FCHSD2: variants seen among roughly 807,000 people sequenced by gnomAD.
FCHSD2 encodes the protein FCH and double SH3 domains 2, also known as F-BAR and double SH3 domains protein 2.
FCHSD2 carries 38 observed loss-of-function variants against 108.1 expected under a neutral mutation model. That is an observed-to-expected ratio of 0.35 (90% CI 0.27 to 0.46). FCHSD2 has a LOEUF of 0.46. FCHSD2 is among the 20% of genes least tolerant of loss of function. The pLI is 1.00. For synonymous variants in FCHSD2, 279 were observed against 314.7 expected (o/e 0.89, Z 1.20); for missense variants, 751 against 897.8 (o/e 0.84, Z 2.09).
At chr11:72,850,014 ACTAT>A in intron 13 of FCHSD2, 125 bp from the exon 14 acceptor site, 1 of 632,244 alleles carries the variant, frequency 1.6e-6, no homozygotes, top group Non-Finnish European at 2.7e-6. Flanking sequence ...CATAGAAATG[ACTAT>A]CTTTCGCACT....
At chr11:73,112,502 T>C (rs1860509433) in intron 2 of FCHSD2, among the ~76,000 whole-genome samples, 1 of 152,230 alleles carries the variant, frequency 6.6e-6, no homozygotes, top group African/African-American at 2.4e-5. Flanking sequence ...GTGTTCTATA[T>C]GCTTCTTATA....
intron 9 of FCHSD2, among the ~76,000 whole-genome samples, chr11:72,903,136 C>T (rs180984692): frequency 3.3e-4 from 50 of 152,286 alleles, no homozygotes; most frequent in African/African-American, 1.1e-3. Context: ...GAGGAGGTTA[C>T]ACTCTAATTA....
intron 3 of FCHSD2, among the ~76,000 whole-genome samples, chr11:73,045,969 T>G (rs1858754245): frequency 6.8e-6 from 1 of 146,058 alleles, no homozygotes; most frequent in Non-Finnish European, 1.5e-5. Context: ...TTGCTTATAT[T>G]TCTACAATAA....
At chr11:73,120,009 T>C (rs1302663349) in intron 2 of FCHSD2, among the ~76,000 whole-genome samples, 1 of 151,836 alleles carries the variant, frequency 6.6e-6, no homozygotes, top group South Asian at 2.1e-4. Flanking sequence ...CCCTCTTACA[T>C]GGATGGCAGA....
At chr11:73,027,727 G>A (rs12288464) in intron 3 of FCHSD2, among the ~76,000 whole-genome samples, 128 of 152,368 alleles carry the variant, frequency 8.4e-4, no homozygotes, top group African/African-American at 2.8e-3. Context: ...AGGCCCAGGA[G>A]GCCTAGGAAG....
intron 10 of FCHSD2, among the ~76,000 whole-genome samples, chr11:72,897,258 CT>C: frequency 6.7e-6 from 1 of 149,314 alleles, no homozygotes; most frequent in East Asian, 2.0e-4. Context: ...CCTTCCATAT[CT>C]GTGGGTTCTG....
chr11:72,947,540 G>C (rs1195459858), intron 8 of FCHSD2, among the ~76,000 whole-genome samples: 4 of 152,180 alleles, frequency 2.6e-5, no homozygotes, highest in South Asian at 2.1e-4. Flanking sequence ...GAGTCACTGA[G>C]TCTAGCAAGA....
intron 8 of FCHSD2, among the ~76,000 whole-genome samples, chr11:72,949,697 A>G (rs1239754136): frequency 6.6e-6 from 1 of 152,188 alleles, no homozygotes; most frequent in Non-Finnish European, 1.5e-5. Context: ...TTGTAGCATA[A>G]ATCATTACTA....
chr11:72,923,714 G>A (rs1856018932), intron 8 of FCHSD2, among the ~76,000 whole-genome samples: 1 of 152,082 alleles, frequency 6.6e-6, no homozygotes, highest in Non-Finnish European at 1.5e-5. Context: ...GGCTGAGGTG[G>A]GCGGATCAAG....
In FCHSD2 at chr11:72,995,357, C is replaced by T. The variant is rs539333853; in HGVS notation, c.387+5633G>A. Among the ~76,000 whole-genome samples the T allele has an allele frequency of 7.9e-5, 12 of 152,092 alleles. No homozygotes were observed. In the South Asian group the frequency reaches 2.3e-3, roughly 29 times the overall value. On this transcript the variant is annotated intron_variant, in intron 5 of 19. Coordinates refer to ENST00000409418, the MANE Select transcript of FCHSD2 (RefSeq NM_014824.3). ...AAACATTCTAATAATGCTGTGTTTG[C>T]AGGTGTGAAGAGCTAAAAGCAGGCT...
At chr11:72,987,297 A>C (rs377509184) in intron 6 of FCHSD2, among the ~76,000 whole-genome samples, 1 of 152,192 alleles carries the variant, frequency 6.6e-6, no homozygotes, top group Non-Finnish European at 1.5e-5. Context: ...CACTTCTTCT[A>C]TAAAGCTTTC....
intron 2 of FCHSD2, among the ~76,000 whole-genome samples, chr11:73,101,085 T>C (rs1332967510): frequency 5.9e-5 from 9 of 152,172 alleles, no homozygotes; most frequent in Non-Finnish European, 1.3e-4. Flanking sequence ...TCTACCTCAA[T>C]ATGATGCTCA....
intron 3 of FCHSD2, 130 bp downstream of exon 3, chr11:73,083,565 A>C (rs1201850759): frequency 4.7e-6 from 3 of 638,108 alleles, no homozygotes; most frequent in Non-Finnish European, 5.5e-6. Context: ...AAGAAAAAAA[A>C]AAAAACAAGA....
chr11:73,045,586 C>G (rs1858742703), intron 3 of FCHSD2, among the ~76,000 whole-genome samples: 1 of 150,484 alleles, frequency 6.6e-6, no homozygotes. Flanking sequence ...TACTATGCAG[C>G]CATAAAAAAT....
chr11:72,917,714 C>T (rs1477337012), intron 9 of FCHSD2, among the ~76,000 whole-genome samples: 2 of 152,090 alleles, frequency 1.3e-5, no homozygotes, highest in Admixed American at 6.6e-5. Context: ...GACGAAACCC[C>T]GTCTTGACTA....
chr11:73,061,852 A>G (rs940760182), intron 3 of FCHSD2, among the ~76,000 whole-genome samples: 5 of 152,246 alleles, frequency 3.3e-5, no homozygotes, highest in Middle Eastern at 3.4e-3. Flanking sequence ...GGGACAGAGC[A>G]CTTGGGGAAA....
intron 5 of FCHSD2, among the ~76,000 whole-genome samples, chr11:72,994,001 T>C (rs920473768): frequency 2.0e-5 from 3 of 152,208 alleles, no homozygotes; most frequent in Non-Finnish European, 4.4e-5. Context: ...ACAGGGACAC[T>C]GGAAGCTCTG....
At chr11:72,855,610 A>G (rs928401830) in intron 13 of FCHSD2, among the ~76,000 whole-genome samples, 2 of 152,210 alleles carry the variant, frequency 1.3e-5, no homozygotes, top group Admixed American at 1.3e-4. Context: ...CAAACGTGAA[A>G]AGCACACTCT....
intron 9 of FCHSD2, among the ~76,000 whole-genome samples, chr11:72,905,920 G>A (rs1855620495): frequency 6.6e-6 from 1 of 152,186 alleles, no homozygotes; most frequent in Admixed American, 6.6e-5. Flanking sequence ...TGTCTTTATA[G>A]CAGAATGATT....
Sources: gnomAD v4.1 joint callset for allele counts (sites outside exome capture counted in the v4.1 genomes callset) on GRCh38, gnomAD v4.1.1 for gene constraint, MANE v1.5 for transcripts, NCBI Gene and HGNC (gene_info 2026-07-23, HGNC 2026-07-21) for gene names.